The following FHIP1A variants were observed in gnomAD, a reference collection of about 807,000 sequenced individuals.
The protein encoded by FHIP1A is FHF complex subunit HOOK-interacting protein 1A.
A neutral mutation model predicts 88.6 loss-of-function variants in FHIP1A; 61 were observed. The observed-to-expected ratio is 0.69, with a 90% CI of 0.56 to 0.85. The LOEUF (loss-of-function observed/expected upper bound fraction) is 0.85. FHIP1A is among the 40% of genes least tolerant of loss of function. The probability of loss-of-function intolerance (pLI) is 0.00; values close to 1 mark genes in which losing one functional copy is unlikely to be tolerated. For missense variants in FHIP1A, 1,154 were observed against 1,273.5 expected (o/e 0.91, Z 1.43); for synonymous variants, 478 against 496.0 (o/e 0.96, Z 0.48).
In FHIP1A at chr4:151,588,849, C is replaced by G. The variant is rs1420391217; in HGVS notation, c.901C>G (p.Pro301Ala). 3 of 1,550,386 alleles carry G rather than the reference C, an allele frequency of 1.9e-6. No individual in the cohort carries two copies. The stretch of plus-strand genomic sequence containing the variant: ...TGTGCCTCTCTCTCAGGTGGCTCAC[C>G]CCTTGATTCGAAATCAGCTTGTCAA... ...FCNAVIQVAHPLIRNQLVNYI... is the reference protein window; with the variant it reads ...FCNAVIQVAHALIRNQLVNYI... Residue 301 changes from proline (P) to alanine (A), a missense_variant, in exon 7 of 14, where the codon CCC (proline) becomes GCC (alanine). Coordinates refer to ENST00000435205, the MANE Select transcript of FHIP1A (RefSeq NM_001109977.3).
chr4:151,425,799 T>C (rs1733346490), intron 1 of FHIP1A, among the ~76,000 whole-genome samples: 1 of 152,158 alleles, frequency 6.6e-6, no homozygotes, highest in Admixed American at 6.5e-5. Context: ...CTCTGCTCTG[T>C]CTTTGCATCA....
intron 7 of FHIP1A, among the ~76,000 whole-genome samples, chr4:151,607,511 T>G (rs2126839874): frequency 6.6e-6 from 1 of 152,356 alleles, no homozygotes; most frequent in East Asian, 1.9e-4. Context: ...AATTCTTGAT[T>G]AATTGAAAAC....
At chr4:151,467,474 G>C (rs1029543640) in intron 2 of FHIP1A, among the ~76,000 whole-genome samples, 54 of 152,118 alleles carry the variant, frequency 3.5e-4, no homozygotes, top group African/African-American at 1.3e-3. Flanking sequence ...CCATTACTGG[G>C]TATATACTCA....
chr4:151,503,929 T>C (rs1007676444), intron 3 of FHIP1A, among the ~76,000 whole-genome samples: 4 of 152,220 alleles, frequency 2.6e-5, no homozygotes, highest in Non-Finnish European at 5.9e-5. Flanking sequence ...CAGATTTACT[T>C]TGAATGCAAA....
intron 5 of FHIP1A, among the ~76,000 whole-genome samples, chr4:151,584,294 T>A (rs1241283882): frequency 6.6e-6 from 1 of 152,000 alleles, no homozygotes; most frequent in Non-Finnish European, 1.5e-5. Flanking sequence ...AATGAACAAG[T>A]CAGACCAGGA....
At chr4:151,592,453 A>C (rs1276694031) in intron 7 of FHIP1A, among the ~76,000 whole-genome samples, 3 of 152,088 alleles carry the variant, frequency 2.0e-5, no homozygotes, top group Admixed American at 6.6e-5. Context: ...CTTTTTAATG[A>C]TTGCCATTCT....
chr4:151,570,825 A>G (rs188787553), intron 4 of FHIP1A, among the ~76,000 whole-genome samples: 32 of 152,338 alleles, frequency 2.1e-4, no homozygotes, highest in Non-Finnish European at 5.9e-5. Context: ...ACAGCTTTCA[A>G]CATACACTAA....
chr4:151,412,374 G>A (rs1732685402), intron 1 of FHIP1A, among the ~76,000 whole-genome samples: 3 of 152,140 alleles, frequency 2.0e-5, no homozygotes, highest in African/African-American at 4.8e-5. Context: ...CCAAAGTGCT[G>A]GGATTACAGG....
intron 1 of FHIP1A, among the ~76,000 whole-genome samples, chr4:151,412,610 T>TCCTTCCTTCCTTCCTTCCTTCCTTCCTC (rs1397475261): frequency 8.2e-6 from 1 of 121,952 alleles, no homozygotes; most frequent in Non-Finnish European, 1.7e-5. Flanking sequence ...CTTCCTTCCT[T>TCCTTCCTTCCTTCCTTCCTTCCTTCCTC]CCTCCCTCCC....
In FHIP1A at chr4:151,665,148, G is replaced by C. The variant is rs917093525; in HGVS notation, c.*2394G>C. Among the ~76,000 whole-genome samples, 1 of 152,008 alleles carries C rather than the reference G, an allele frequency of 6.6e-6. No homozygotes were observed. Among genetic ancestry groups the C allele is most frequent in the Non-Finnish European group, 1.5e-5 (1 of 67,990 alleles). ...TGCCACCACACCCAGCTAACTTTTT[G>C]GTATAGTTTGTAGAGATGGGGTTTC... On this transcript the variant is annotated 3_prime_UTR_variant, in exon 14 of 14. Coordinates refer to ENST00000435205, the MANE Select transcript of FHIP1A (RefSeq NM_001109977.3).
intron 7 of FHIP1A, among the ~76,000 whole-genome samples, chr4:151,592,939 A>G (rs969541044): frequency 1.3e-5 from 2 of 152,186 alleles, no homozygotes; most frequent in Non-Finnish European, 2.9e-5. Flanking sequence ...TAATTTTTGT[A>G]TAAGGTGTAA....
At chr4:151,569,281 C>T (rs529231707) in intron 4 of FHIP1A, among the ~76,000 whole-genome samples, 1 of 152,282 alleles carries the variant, frequency 6.6e-6, no homozygotes, top group Non-Finnish European at 1.5e-5. Flanking sequence ...TGGCCGGGCG[C>T]TGTGGCTCAC....
intron 3 of FHIP1A, among the ~76,000 whole-genome samples, 155 bp downstream of exon 3, chr4:151,482,803 C>T (rs1274589120): frequency 6.6e-6 from 1 of 151,876 alleles, no homozygotes; most frequent in Non-Finnish European, 1.5e-5. Context: ...TGTACTCTAT[C>T]CTCTATGTGA....
intron 2 of FHIP1A, among the ~76,000 whole-genome samples, chr4:151,478,689 G>T (rs189983622): frequency 6.6e-6 from 1 of 151,944 alleles, no homozygotes; most frequent in African/African-American, 2.4e-5. Context: ...CTTAATATAC[G>T]TACTGTGTTT....
At chr4:151,524,349 A>C (rs1487810737) in intron 3 of FHIP1A, among the ~76,000 whole-genome samples, 6 of 152,094 alleles carry the variant, frequency 3.9e-5, no homozygotes, top group Non-Finnish European at 8.8e-5. Flanking sequence ...TGTCCTTGCC[A>C]TCCCTCTTAG....
Position 151,646,678 on chromosome 4 carries a change from G to T in FHIP1A, c.1347G>T (p.Gly449=), listed in dbSNP as rs890520353. ...LALTPVCCSS[G]ITLTLGNQER... Reference sequence around the variant, plus strand: ...TGACTCCTGTCTGCTGCTCCAGCGGGATCACTCTGACGCTGGGGAACCAAG... The same window carrying T: ...TGACTCCTGTCTGCTGCTCCAGCGGTATCACTCTGACGCTGGGGAACCAAG... The change falls in exon 10 of 14, where the codon GGG becomes GGT. Residue 449 remains glycine (G), a synonymous_variant. Coordinates refer to ENST00000435205, the MANE Select transcript of FHIP1A (RefSeq NM_001109977.3). 1 of 1,551,470 alleles carries T rather than the reference G, an allele frequency of 6.4e-7. No individual in the cohort carries two copies. Among genetic ancestry groups the T allele is most frequent in the South Asian group, 1.2e-5 (1 of 84,056 alleles).
At chr4:151,517,538 G>C (rs1405105014) in intron 3 of FHIP1A, among the ~76,000 whole-genome samples, 1 of 152,012 alleles carries the variant, frequency 6.6e-6, no homozygotes, top group African/African-American at 2.4e-5. Context: ...CTTTTTCTGT[G>C]CATATTTTTA....
intron 13 of FHIP1A, among the ~76,000 whole-genome samples, chr4:151,660,761 C>A (rs1235494115): frequency 6.6e-6 from 1 of 152,138 alleles, no homozygotes; most frequent in African/African-American, 2.4e-5. Flanking sequence ...ATAGGAATGA[C>A]TTCTGGGGGC....
chr4:151,635,752 G>A (rs1228532394), intron 8 of FHIP1A, among the ~76,000 whole-genome samples: 1 of 151,816 alleles, frequency 6.6e-6, no homozygotes, highest in Non-Finnish European at 1.5e-5. Context: ...GGAGTTGTTC[G>A]GTGGTTACTG....
Sources: gnomAD v4.1 joint callset for allele counts (sites outside exome capture counted in the v4.1 genomes callset) on GRCh38, gnomAD v4.1.1 for gene constraint, MANE v1.5 for transcripts, NCBI Gene and HGNC (gene_info 2026-07-23, HGNC 2026-07-21) for gene names.